Variants in CYP4F22 observed in about 807,000 individuals in gnomAD.
The protein encoded by CYP4F22 is ultra-long-chain fatty acid omega-hydroxylase.
CYP4F22 carries 37 observed loss-of-function variants against 60.4 expected under a neutral mutation model. The observed-to-expected ratio is 0.61, with a 90% CI of 0.47 to 0.81. The LOEUF (loss-of-function observed/expected upper bound fraction) is 0.81. Ranked by LOEUF, CYP4F22 falls within the 30% of genes least tolerant of loss-of-function variation. The pLI is 0.00. For synonymous variants in CYP4F22, 258 were observed against 280.5 expected (o/e 0.92, Z 0.80); for missense variants, 655 against 715.0 (o/e 0.92, Z 0.96).
intron 3 of CYP4F22, among the ~76,000 whole-genome samples, chr19:15,527,646 G>A (rs918665687): frequency 3.9e-5 from 6 of 152,226 alleles, no homozygotes; most frequent in African/African-American, 1.2e-4. Flanking sequence ...GGGTGAGGCT[G>A]CAATTGAGCC....
At chr19:15,526,565 GC>G (rs201963965) in intron 3 of CYP4F22, among the ~76,000 whole-genome samples, 2,538 of 152,144 alleles carry the variant, frequency 0.017, 85 homozygotes, top group African/African-American at 0.058. Flanking sequence ...GCCCCATTTT[GC>G]GTGGAAGATT....
At chr19:15,544,357 C>CTG (rs1971499030) in intron 10 of CYP4F22, 78 bp downstream of exon 10, 1 of 1,520,234 alleles carries the variant, frequency 6.6e-7, no homozygotes, top group African/African-American at 1.4e-5. Flanking sequence ...CTCCCACTTA[C>CTG]TGATTGTGTG....
intron 10 of CYP4F22, among the ~76,000 whole-genome samples, chr19:15,547,018 G>GTTTTGTTTTTTTTTTTTTTTTTT (rs1555730099): frequency 1.2e-5 from 1 of 82,330 alleles, no homozygotes; most frequent in African/African-American, 5.7e-5. Flanking sequence ...GCCTGCACCA[G>GTTTTGTTTTTTTTTTTTTTTTTT]TTTTTTTTTT....
intron 3 of CYP4F22, among the ~76,000 whole-genome samples, chr19:15,529,134 T>TTTA (rs1555728063): frequency 5.4e-5 from 1 of 18,440 alleles, no homozygotes; most frequent in African/African-American, 3.3e-4. Flanking sequence ...TTTTATTTTA[T>TTTA]TTTTTTTTTT....
chr19:15,544,846 A>T (rs1273539), intron 10 of CYP4F22, among the ~76,000 whole-genome samples: 117,082 of 152,106 alleles, frequency 0.77, 45,247 homozygotes, highest in East Asian at 0.9. Flanking sequence ...GGATCACCTG[A>T]GATCAGGAGT....
intron 4 of CYP4F22, among the ~76,000 whole-genome samples, chr19:15,536,957 C>A (rs1398478825): frequency 3.3e-5 from 5 of 152,082 alleles, no homozygotes; most frequent in African/African-American, 1.2e-4. Context: ...GAGGTTGGAG[C>A]CCAGTGAGGA....
intron 7 of CYP4F22, among the ~76,000 whole-genome samples, chr19:15,540,197 C>G (rs979562127): frequency 6.6e-6 from 1 of 152,044 alleles, no homozygotes; most frequent in African/African-American, 2.4e-5. Flanking sequence ...CTTTGGGAGG[C>G]CAAGGCTGGA....
chr19:15,512,492 G>A (rs1295399762), intron 1 of CYP4F22, among the ~76,000 whole-genome samples: 2 of 152,130 alleles, frequency 1.3e-5, no homozygotes, highest in African/African-American at 4.8e-5. Flanking sequence ...TCTTGGTAGA[G>A]ACAGGGTTTC....
chr19:15,510,684 G>T (rs1971078995), intron 1 of CYP4F22, among the ~76,000 whole-genome samples: 2 of 152,080 alleles, frequency 1.3e-5, no homozygotes, highest in East Asian at 1.9e-4. Context: ...ATTAGCAAAA[G>T]GTTTGAATAT....
At chr19:15,535,391 G>C (rs958877716) in intron 4 of CYP4F22, among the ~76,000 whole-genome samples, 1 of 152,216 alleles carries the variant, frequency 6.6e-6, no homozygotes, top group Admixed American at 6.5e-5. Context: ...ATGAGTGGGC[G>C]GATGATTGTG....
intron 11 of CYP4F22, among the ~76,000 whole-genome samples, chr19:15,548,594 G>T (rs1481042677): frequency 6.6e-6 from 1 of 152,112 alleles, no homozygotes; most frequent in East Asian, 1.9e-4. Flanking sequence ...TGCCCTTTCT[G>T]GGGGAGATAC....
chr19:15,510,398 T>G (rs1971075997), intron 1 of CYP4F22, among the ~76,000 whole-genome samples: 1 of 152,164 alleles, frequency 6.6e-6, no homozygotes, highest in Admixed American at 6.6e-5. Flanking sequence ...GATCAAAGGC[T>G]TACTATGTGC....
At chr19:15,531,747 A>G (rs1971345232) in intron 4 of CYP4F22, among the ~76,000 whole-genome samples, 2 of 152,108 alleles carry the variant, frequency 1.3e-5, no homozygotes, top group African/African-American at 4.8e-5. Flanking sequence ...CCATTTATCT[A>G]GCCTCTCTGG....
chr19:15,544,424 G>T, intron 10 of CYP4F22, 145 bp downstream of exon 10: 1 of 1,009,188 alleles, frequency 9.9e-7, no homozygotes, highest in Non-Finnish European at 1.5e-6. Context: ...TACAAAATGG[G>T]GGTGGTTATA....
At chr19:15,533,051 G>A (rs1345848532) in intron 4 of CYP4F22, among the ~76,000 whole-genome samples, 1 of 152,212 alleles carries the variant, frequency 6.6e-6, no homozygotes, top group African/African-American at 2.4e-5. Flanking sequence ...GTGGCTTGCT[G>A]TTCTGAGCTT....
intron 11 of CYP4F22, 128 bp downstream of exon 11, chr19:15,548,369 G>A (rs1971557772): frequency 2.1e-6 from 3 of 1,417,926 alleles, no homozygotes; most frequent in Admixed American, 1.7e-5. Flanking sequence ...CTCTCTGTGT[G>A]CCTGTTGCTT....
chr19:15,512,325 T>A (rs1230508828), intron 1 of CYP4F22, among the ~76,000 whole-genome samples: 1 of 152,184 alleles, frequency 6.6e-6, no homozygotes, highest in Non-Finnish European at 1.5e-5. Flanking sequence ...GAACATTAAA[T>A]TAAATTAAAT....
intron 1 of CYP4F22, among the ~76,000 whole-genome samples, chr19:15,520,941 G>C (rs1307980157): frequency 2.0e-5 from 3 of 151,818 alleles, no homozygotes; most frequent in East Asian, 3.9e-4. Context: ...CTAATTTTTT[G>C]TATTTTTAGT....
intron 11 of CYP4F22, 123 bp from the exon 12 acceptor site, chr19:15,549,015 G>A (rs892022866): frequency 1.9e-6 from 2 of 1,039,044 alleles, no homozygotes; most frequent in African/African-American, 1.6e-5. Context: ...GAGAAGGATG[G>A]ACAGAAGGTG....
Sources: allele counts gnomAD v4.1 joint callset (sites outside exome capture counted in the v4.1 genomes callset), GRCh38; gene constraint gnomAD v4.1.1; transcripts MANE v1.5; gene names NCBI Gene and HGNC (gene_info 2026-07-23, HGNC 2026-07-21).